The following NFATC2 variants were observed in gnomAD, a reference collection of about 807,000 sequenced individuals.
NFATC2 encodes nuclear factor of activated T-cells, cytoplasmic 2.
Under a neutral mutation model 87.3 loss-of-function variants are expected in NFATC2, and 22 were observed. The observed-to-expected ratio is 0.25, with a 90% CI of 0.18 to 0.36. The LOEUF is 0.36. Among genes scored for constraint, NFATC2 ranks in the 10% least tolerant of loss-of-function variants. NFATC2 has a pLI of 1.00. For synonymous variants in NFATC2, 565 were observed against 542.2 expected (o/e 1.04, Z -0.58); for missense variants, 1,149 against 1,259.1 (o/e 0.91, Z 1.32).
intron 3 of NFATC2, among the ~76,000 whole-genome samples, chr20:51,484,758 T>A (rs765148979): frequency 1.3e-5 from 2 of 152,246 alleles, no homozygotes; most frequent in Non-Finnish European, 2.9e-5. Context: ...AACTGGTACC[T>A]GGGCTGCCCT....
intron 6 of NFATC2, among the ~76,000 whole-genome samples, chr20:51,436,306 G>A (rs972091489): frequency 3.3e-5 from 5 of 151,014 alleles, no homozygotes; most frequent in Admixed American, 3.3e-4. Flanking sequence ...AAAGAAAACA[G>A]GGCAACAACA....
At chr20:51,531,169 C>G (rs191955863) in intron 1 of NFATC2, among the ~76,000 whole-genome samples, 1 of 152,248 alleles carries the variant, frequency 6.6e-6, no homozygotes, top group African/African-American at 2.4e-5. Flanking sequence ...TCCTGCCAGG[C>G]AGGCTCGCCC....
chr20:51,542,452 T>C lies in NFATC2; in HGVS notation c.48A>G (p.Pro16=), dbSNP rs753088576. Residue 16 remains proline, a synonymous_variant, in exon 1 of 11, where the codon CCA becomes CCG. Coordinates refer to ENST00000371564, the MANE Select transcript of NFATC2 (RefSeq NM_012340.5). The stretch of plus-strand genomic sequence containing the variant: ...GGGGGCTGCCCCCAGGCTCGTGGCC[T>C]GGGGCGTCCCCGCCGTCGGGTTGGG... ...RQPQPDGGDA[P]GHEPGGSPQD... 1.9e-6 allele frequency: 3 copies of C among 1,576,852 alleles called. No individual in the cohort carries two copies. In the South Asian group the frequency reaches 3.4e-5, roughly 18 times the overall value.
intron 9 of NFATC2, among the ~76,000 whole-genome samples, chr20:51,407,636 G>A (rs780027999): frequency 2.0e-5 from 3 of 152,156 alleles, no homozygotes; most frequent in Non-Finnish European, 2.9e-5. Context: ...ACTCCTGCCT[G>A]GCACCCCATC....
In NFATC2 at chr20:51,472,629, C is replaced by CTTTT. The variant is rs1223762055; in HGVS notation, c.1708+1347_1708+1350dup. On this transcript the variant is annotated intron_variant, in intron 5 of 10. Transcript: ENST00000371564. ...AATGCTTATTTTTTTCTTCTTTCTTCTTTTTTTTTTTTTTTTTTTTTTTTG... is the reference window on the plus strand; with the variant it reads ...AATGCTTATTTTTTTCTTCTTTCTTCTTTTTTTTTTTTTTTTTTTTTTTTTTTTG... Among the ~76,000 whole-genome samples, 220 of 92,716 alleles carry CTTTT rather than the reference C, an allele frequency of 2.4e-3. 1 individual carries two copies. The highest frequency in any genetic ancestry group is 3.2e-3 in the African/African-American group (72 of 22,764). 60.8% of individuals were successfully genotyped at this position (92,716 alleles called of 152,430 possible). A position where few individuals can be genotyped will look rare whatever the true frequency, so the allele number is the denominator to read the frequency against.
In NFATC2 at chr20:51,432,129, A is replaced by C. The variant is rs1430520126; in HGVS notation, c.2660T>G (p.Val887Gly). Residue 887 changes from valine to glycine, a missense_variant, in exon 9 of 11, where the codon GTA becomes GGA. Val to Gly is a moderately radical substitution (Grantham distance 109). This residue lies in a region of NFATC2 where 581 missense variants were observed against 649.7 expected (regional missense o/e 0.89). Coordinates refer to ENST00000371564, the MANE Select transcript of NFATC2 (RefSeq NM_012340.5). The surrounding 1 kb of genome is among the most constrained non-coding windows in gnomAD (Gnocchi z 4.6). ...TTTAATGGTCACCCCCGCAGGTAAT[A>C]CTTCCTTTTGGTCACTGACCGGGGG... is the stretch of plus-strand genomic sequence containing the variant. ...NGPPVSDQKEVLPAGVTIKQE... is the reference protein window; with the variant it reads ...NGPPVSDQKEGLPAGVTIKQE... 1 of 1,579,422 alleles carries C rather than the reference A, an allele frequency of 6.3e-7. No individual in the cohort carries two copies. Among genetic ancestry groups the C allele is most frequent in the South Asian group, 1.2e-5 (1 of 85,748 alleles).
At chr20:51,427,425 C>T (rs1278419593) in intron 9 of NFATC2, among the ~76,000 whole-genome samples, 6 of 152,144 alleles carry the variant, frequency 3.9e-5, no homozygotes, top group African/African-American at 1.2e-4. Flanking sequence ...TGGGCAATTC[C>T]AGTTGCATTT....
intron 9 of NFATC2, among the ~76,000 whole-genome samples, chr20:51,421,778 G>A (rs529033216): frequency 5.9e-5 from 9 of 152,172 alleles, no homozygotes; most frequent in South Asian, 2.1e-4. Context: ...TTCAAATACC[G>A]TGTGGGCCAA....
intron 1 of NFATC2, among the ~76,000 whole-genome samples, chr20:51,561,869 C>G (rs538706243): frequency 6.6e-6 from 1 of 152,070 alleles, no homozygotes; most frequent in African/African-American, 2.4e-5. Context: ...TTATAGTTAA[C>G]CCCCTCCCAT....
intron 6 of NFATC2, among the ~76,000 whole-genome samples, chr20:51,452,363 G>A (rs1985906678): frequency 6.6e-6 from 1 of 152,106 alleles, no homozygotes; most frequent in Admixed American, 6.5e-5. Context: ...ACCTTTAAGG[G>A]ATGTGGCTCT....
chr20:51,477,533 GTCTATATATATATATA>G (rs1988823682), intron 3 of NFATC2, among the ~76,000 whole-genome samples: 1 of 68,550 alleles, frequency 1.5e-5, no homozygotes, highest in African/African-American at 6.1e-5. Flanking sequence ...GTGTGTGTGT[GTCTATATATATATATA>G]TATATATATA....
At chr20:51,438,048 G>T (rs902532118) in intron 6 of NFATC2, among the ~76,000 whole-genome samples, 1 of 152,220 alleles carries the variant, frequency 6.6e-6, no homozygotes, top group Non-Finnish European at 1.5e-5. Context: ...TCGCTGGATG[G>T]ACATCGAGGA....
At chr20:51,533,243 T>C (rs531777543) in intron 1 of NFATC2, among the ~76,000 whole-genome samples, 2 of 152,336 alleles carry the variant, frequency 1.3e-5, no homozygotes, top group Admixed American at 1.3e-4. Flanking sequence ...AGATTCTTCA[T>C]CCGGCAGGTG....
At position 51,398,656 on chromosome 20, in the gene NFATC2, T is replaced by TGTGA. The variant is rs1568926609; in HGVS notation, c.*30_*31insTCAC. The TGTGA allele has an allele frequency of 6.2e-7, 1 of 1,608,098 alleles. No homozygotes were observed. Among genetic ancestry groups the TGTGA allele is most frequent in the African/African-American group, 1.3e-5 (1 of 74,864 alleles). ...GATATCGATTACCTTTAACTTTGAT[T>TGTGA]TCTCGGATCAAAGATCACAGTCATT... On this transcript the variant is annotated 3_prime_UTR_variant, in exon 10 of 11. Transcript: ENST00000371564.
intron 2 of NFATC2, among the ~76,000 whole-genome samples, chr20:51,520,051 T>A (rs1397518654): frequency 6.6e-6 from 1 of 152,130 alleles, no homozygotes; most frequent in Non-Finnish European, 1.5e-5. Context: ...TGATGCCCCA[T>A]CCTCTCAACT....
At position 51,432,158 on chromosome 20, in the gene NFATC2, G is replaced by A. The variant is rs75923936; in HGVS notation, c.2631C>T (p.Asn877=). The A allele has an allele frequency of 1.2e-3, 1,971 of 1,603,606 alleles. 31 individuals are homozygous for A. In the African/African-American group the frequency reaches 0.023, roughly 19 times the overall value. The part of the protein sequence containing the change: ...QNATSQRAAK[N]GPPVSDQKEV... ...CCTTTTGGTCACTGACCGGGGGTCCGTTTTTGGCGGCTCTTTGGCTCGTGG... is the reference window on the plus strand; with the variant it reads ...CCTTTTGGTCACTGACCGGGGGTCCATTTTTGGCGGCTCTTTGGCTCGTGG... Residue 877 remains asparagine, a synonymous_variant, in exon 9 of 11, where the codon AAC becomes AAT. Coordinates refer to ENST00000371564, the MANE Select transcript of NFATC2 (RefSeq NM_012340.5). The surrounding 1 kb of genome is among the most constrained non-coding windows in gnomAD (Gnocchi z 4.6).
At chr20:51,457,675 G>T (rs1159527934) in intron 5 of NFATC2, among the ~76,000 whole-genome samples, 1 of 93,874 alleles carries the variant, frequency 1.1e-5, no homozygotes, top group Non-Finnish European at 2.3e-5. Flanking sequence ...AACTCCAAGT[G>T]CAGGCCAGGG....
At chr20:51,512,526 G>C (rs909720701) in intron 3 of NFATC2, among the ~76,000 whole-genome samples, 3 of 152,178 alleles carry the variant, frequency 2.0e-5, no homozygotes, top group Non-Finnish European at 4.4e-5. Flanking sequence ...AATGAGTCAT[G>C]AGATCTGACA....
intron 5 of NFATC2, among the ~76,000 whole-genome samples, chr20:51,467,629 C>T (rs1987820292): frequency 2.0e-5 from 3 of 152,126 alleles, no homozygotes; most frequent in Non-Finnish European, 4.4e-5. Context: ...TAGGGAAATG[C>T]ACATTAAAAC....
Sources: gnomAD v4.1 joint callset for allele counts (sites outside exome capture counted in the v4.1 genomes callset) on GRCh38, gnomAD v4.1.1 for gene constraint, gnomAD v4.1.1 regional missense constraint, Gnocchi (gnomAD v3.1) non-coding constraint, MANE v1.5 for transcripts, NCBI Gene and HGNC (gene_info 2026-07-23, HGNC 2026-07-21) for gene names.